Variants in KPNA5 observed in about 807,000 individuals in gnomAD.
KPNA5 encodes karyopherin subunit alpha 5.
A neutral mutation model predicts 71.3 loss-of-function variants in KPNA5; 46 were observed. The observed-to-expected ratio is 0.65, with a 90% CI of 0.51 to 0.83. The LOEUF (loss-of-function observed/expected upper bound fraction) is 0.83. KPNA5 is among the 40% of genes least tolerant of loss of function. KPNA5 has a pLI of 0.00. For missense variants in KPNA5, 547 were observed against 628.3 expected, an observed-to-expected ratio of 0.87 and a Z score of 1.38; for synonymous variants, 207 against 201.4, an observed-to-expected ratio of 1.03 and a Z score of -0.24.
At chr6:116,687,719 C>T (rs1196774646) in intron 1 of KPNA5, among the ~76,000 whole-genome samples, 1 of 152,100 alleles carries the variant, frequency 6.6e-6, no homozygotes, top group Non-Finnish European at 1.5e-5. Context: ...CCCTTTTCTT[C>T]CTCACCAGAT....
chr6:116,730,123 G>A (rs1281988770), intron 13 of KPNA5, among the ~76,000 whole-genome samples: 5 of 125,914 alleles, frequency 4.0e-5, no homozygotes, highest in African/African-American at 9.1e-5. Flanking sequence ...GTTTTACTCC[G>A]TCTCCCAGGC....
intron 12 of KPNA5, among the ~76,000 whole-genome samples, chr6:116,728,706 C>G (rs908395858): frequency 3.3e-5 from 5 of 152,068 alleles, no homozygotes; most frequent in Middle Eastern, 6.8e-3. Context: ...CTTACAACTA[C>G]TCTCTGAAGT....
intron 5 of KPNA5, among the ~76,000 whole-genome samples, chr6:116,699,136 T>C (rs1325244107): frequency 1.3e-5 from 2 of 152,094 alleles, no homozygotes; most frequent in African/African-American, 4.8e-5. Flanking sequence ...CTAGCCAGGG[T>C]TCTAACTTTT....
At chr6:116,725,296 C>T (rs1779250153) in intron 10 of KPNA5, among the ~76,000 whole-genome samples, 2 of 152,136 alleles carry the variant, frequency 1.3e-5, no homozygotes, top group South Asian at 4.1e-4. Context: ...TACTTGTTTA[C>T]AGAAGAAGAG....
At chr6:116,727,256 T>G (rs931236654) in intron 12 of KPNA5, among the ~76,000 whole-genome samples, 4 of 152,028 alleles carry the variant, frequency 2.6e-5, no homozygotes, top group African/African-American at 9.7e-5. Context: ...ATCTAGTTTC[T>G]TCATTTTAAA....
intron 4 of KPNA5, 53 bp downstream of exon 4, chr6:116,692,445 G>T: frequency 9.0e-7 from 1 of 1,113,662 alleles, no homozygotes; most frequent in Non-Finnish European, 1.3e-6. Flanking sequence ...TTTTAGTAGA[G>T]GTTTATTTTA....
intron 11 of KPNA5, 64 bp downstream of exon 11, chr6:116,725,940 TAA>T (rs1779271479): frequency 6.6e-7 from 1 of 1,523,364 alleles, no homozygotes; most frequent in African/African-American, 1.4e-5. Context: ...GGACAAAAGT[TAA>T]CACTTTTACT....
At position 116,737,827 on chromosome 6, in the gene KPNA5, G is replaced by A. The variant is rs1426575626; in HGVS notation, c.*5504G>A. ...GTGCCTTTTTGTCTCAATCACTTTC[G>A]CTGAATTCAGTTATAGTGATTATAG... is the stretch of plus-strand genomic sequence containing the variant. On this transcript the variant is annotated 3_prime_UTR_variant, in exon 14 of 14. Coordinates refer to ENST00000368564, the MANE Select transcript of KPNA5 (RefSeq NM_001366306.2). 2 of 151,562 alleles carry A rather than the reference G, an allele frequency of 1.3e-5. No individual in the cohort carries two copies. The highest frequency in any genetic ancestry group is 2.4e-5 in the African/African-American group (1 of 41,248). The allele number at this position is 151,562 out of a possible 1,614,324, so 9.4% of individuals were successfully genotyped here.
At chr6:116,702,714 A>G (rs965991632) in intron 6 of KPNA5, among the ~76,000 whole-genome samples, 10 of 152,224 alleles carry the variant, frequency 6.6e-5, no homozygotes, top group Non-Finnish European at 1.5e-4. Flanking sequence ...ACTTACCTAA[A>G]GTCACAACGA....
chr6:116,690,938 A>G (rs775923345), intron 2 of KPNA5, among the ~76,000 whole-genome samples: 1 of 152,200 alleles, frequency 6.6e-6, no homozygotes, highest in African/African-American at 2.4e-5. Flanking sequence ...GTTTTAAAAT[A>G]TGTATTATTG....
chr6:116,699,893 T>C (rs1778164828), intron 5 of KPNA5, among the ~76,000 whole-genome samples: 1 of 152,188 alleles, frequency 6.6e-6, no homozygotes. Flanking sequence ...AGTTCCAAAA[T>C]TCAGATGTTG....
intron 1 of KPNA5, among the ~76,000 whole-genome samples, chr6:116,682,598 C>G (rs182251359): frequency 6.6e-6 from 1 of 152,142 alleles, no homozygotes; most frequent in Admixed American, 6.5e-5. Flanking sequence ...GCGCCCAGCC[C>G]CATGGAAATG....
intron 1 of KPNA5, 165 bp downstream of exon 1, chr6:116,681,503 G>T: frequency 7.3e-7 from 1 of 1,366,572 alleles, no homozygotes; most frequent in Non-Finnish European, 9.5e-7. Context: ...GGCGACAGCG[G>T]TCGCGGGGGC....
chr6:116,720,499 C>T (rs779512929), intron 8 of KPNA5, among the ~76,000 whole-genome samples: 9 of 151,864 alleles, frequency 5.9e-5, no homozygotes, highest in East Asian at 3.8e-4. Flanking sequence ...TTTAACTCAG[C>T]GAAAAGGTAT....
Position 116,740,272 on chromosome 6 carries a change from T to C in KPNA5, c.*7949T>C, listed in dbSNP as rs973382487. ...TCACCATCACTGGCCATCAGACAAATGCAAATCAAAACCACAATGAGATAC... is the reference window on the plus strand; with the variant it reads ...TCACCATCACTGGCCATCAGACAAACGCAAATCAAAACCACAATGAGATAC... On this transcript the variant is annotated 3_prime_UTR_variant, in exon 14 of 14. Transcript: ENST00000368564. 2 of 152,062 alleles carry C rather than the reference T, an allele frequency of 1.3e-5. No homozygotes were observed. Among genetic ancestry groups the C allele is most frequent in the African/African-American group, 4.8e-5 (2 of 41,400 alleles). 9.4% of individuals were successfully genotyped at this position (152,062 alleles called of 1,614,324 possible).
In KPNA5 at chr6:116,740,274, C is replaced by T. The variant is rs1779824292; in HGVS notation, c.*7951C>T. 6.6e-6 allele frequency: 1 copy of T among 152,180 alleles called. No homozygotes were observed. Among genetic ancestry groups the T allele is most frequent in the South Asian group, 2.1e-4 (1 of 4,826 alleles). The allele number at this position is 152,180 out of a possible 1,614,324, so 9.4% of individuals were successfully genotyped here. A position where few individuals can be genotyped will look rare whatever the true frequency, so the allele number is the denominator to read the frequency against. On this transcript the variant is annotated 3_prime_UTR_variant, in exon 14 of 14. Transcript: ENST00000368564. ...ACCATCACTGGCCATCAGACAAATGCAAATCAAAACCACAATGAGATACCA... is the reference window on the plus strand; with the variant it reads ...ACCATCACTGGCCATCAGACAAATGTAAATCAAAACCACAATGAGATACCA...
chr6:116,711,499 G>A (rs1778683555), intron 7 of KPNA5, among the ~76,000 whole-genome samples: 1 of 144,996 alleles, frequency 6.9e-6, no homozygotes, highest in Non-Finnish European at 1.5e-5. Context: ...AAGTTTTGGT[G>A]TGTTTTTTTT....
Position 116,734,351 on chromosome 6 carries a change from G to A in KPNA5, c.*2028G>A, listed in dbSNP as rs1354588815. 2.0e-5 allele frequency: 3 copies of A among 151,684 alleles called. No homozygotes were observed. Among genetic ancestry groups the A allele is most frequent in the Admixed American group, 1.3e-4 (2 of 15,174 alleles). 9.4% of individuals were successfully genotyped at this position (151,684 alleles called of 1,614,324 possible). ...TTTTTCAAACAAGATAGTTCTTATA[G>A]AAGGAGAAATAATAAATATGTGTGT... On this transcript the variant is annotated 3_prime_UTR_variant, in exon 14 of 14. Coordinates refer to ENST00000368564, the MANE Select transcript of KPNA5 (RefSeq NM_001366306.2).
intron 7 of KPNA5, among the ~76,000 whole-genome samples, chr6:116,715,072 A>G (rs1778832826): frequency 6.6e-6 from 1 of 152,164 alleles, no homozygotes; most frequent in East Asian, 1.9e-4. Context: ...CAGAGTTCTA[A>G]TAAACTTGAT....
Sources: allele counts gnomAD v4.1 joint callset (sites outside exome capture counted in the v4.1 genomes callset), GRCh38; gene constraint gnomAD v4.1.1; transcripts MANE v1.5; gene names NCBI Gene and HGNC (gene_info 2026-07-23, HGNC 2026-07-21).